TUSC3: variants seen among roughly 807,000 people sequenced by gnomAD.
The protein encoded by TUSC3 is tumor suppressor candidate 3.
In TUSC3, 45 loss-of-function variants were observed where a neutral mutation model predicts 44.8. That is an observed-to-expected ratio of 1.00 (90% CI 0.79 to 1.29). TUSC3 has a LOEUF of 1.29. Among genes scored for constraint, TUSC3 ranks in the 50% most tolerant of loss-of-function variants. The probability of loss-of-function intolerance (pLI) is 0.00; values close to 1 mark genes in which losing one functional copy is unlikely to be tolerated. For synonymous variants in TUSC3, 212 were observed against 152.9 expected, an observed-to-expected ratio of 1.39 and a Z score of -2.85; for missense variants, 519 against 437.9, an observed-to-expected ratio of 1.19 and a Z score of -1.65.
intron 1 of TUSC3, among the ~76,000 whole-genome samples, chr8:15,480,432 G>T (rs1263054204): frequency 6.6e-6 from 1 of 152,208 alleles, no homozygotes; most frequent in African/African-American, 2.4e-5. Flanking sequence ...CATAGATTTA[G>T]TGGTTTAAAC....
At chr8:15,429,108 A>T (rs1324652223) in intron 1 of TUSC3, among the ~76,000 whole-genome samples, 2 of 152,168 alleles carry the variant, frequency 1.3e-5, no homozygotes, top group Non-Finnish European at 2.9e-5. Flanking sequence ...TTTAGGTCTA[A>T]CATGTAAGTC....
At chr8:15,639,779 G>C (rs1806276787) in intron 2 of TUSC3, among the ~76,000 whole-genome samples, 1 of 74,944 alleles carries the variant, frequency 1.3e-5, no homozygotes, top group Admixed American at 2.4e-4. Context: ...ATGCATAAGA[G>C]TCGTTTTTTT....
intron 1 of TUSC3, among the ~76,000 whole-genome samples, chr8:15,448,287 T>C (rs142973114): frequency 0.031 from 4,717 of 151,424 alleles, 268 homozygotes; most frequent in African/African-American, 0.11. Flanking sequence ...CCCTGCTATT[T>C]TTTGTATTTT....
chr8:15,706,417 A>G (rs1809617265), intron 6 of TUSC3, among the ~76,000 whole-genome samples: 1 of 152,046 alleles, frequency 6.6e-6, no homozygotes, highest in Admixed American at 6.6e-5. Context: ...AGAACATCCA[A>G]TTCCATGTTA....
At chr8:15,509,208 A>T (rs1384466501) in intron 2 of TUSC3, among the ~76,000 whole-genome samples, 1 of 152,236 alleles carries the variant, frequency 6.6e-6, no homozygotes, top group East Asian at 1.9e-4. Flanking sequence ...CAAATATTGG[A>T]GATGATAGTC....
intron 10 of TUSC3, among the ~76,000 whole-genome samples, chr8:15,760,567 T>G (rs1272886157): frequency 1.3e-5 from 2 of 152,164 alleles, no homozygotes; most frequent in Non-Finnish European, 2.9e-5. Context: ...TCTACAGTTC[T>G]AAATCATTGG....
chr8:15,755,203 TACTTA>T (rs1811872664), intron 9 of TUSC3, among the ~76,000 whole-genome samples: 1 of 152,126 alleles, frequency 6.6e-6, no homozygotes. Context: ...TTGGGCAAGT[TACTTA>T]ACTTTTGTCA....
At chr8:15,441,115 A>G (rs564423622) in intron 1 of TUSC3, among the ~76,000 whole-genome samples, 1 of 152,370 alleles carries the variant, frequency 6.6e-6, no homozygotes, top group East Asian at 1.9e-4. Context: ...TTAAAAATCA[A>G]GTAAGTGATG....
At chr8:15,474,904 T>G (rs1197797885) in intron 1 of TUSC3, among the ~76,000 whole-genome samples, 1 of 152,216 alleles carries the variant, frequency 6.6e-6, no homozygotes, top group Non-Finnish European at 1.5e-5. Context: ...TATCATAGTA[T>G]TTAAATTACT....
chr8:15,417,586 T>G (rs546225678), intron 1 of TUSC3, among the ~76,000 whole-genome samples: 1 of 152,220 alleles, frequency 6.6e-6, no homozygotes, highest in Non-Finnish European at 1.5e-5. Flanking sequence ...ATTTGCAATT[T>G]AAACGCTTAC....
intron 6 of TUSC3, among the ~76,000 whole-genome samples, chr8:15,688,159 A>T (rs1012314674): frequency 6.6e-6 from 1 of 152,136 alleles, no homozygotes; most frequent in African/African-American, 2.4e-5. Flanking sequence ...AAAACCAAAG[A>T]TATTATTTTC....
In TUSC3 at chr8:15,736,050, G is replaced by A. The variant is rs181440536; in HGVS notation, c.862+5321G>A. Among the ~76,000 whole-genome samples, 105 of 152,040 alleles carry A rather than the reference G, an allele frequency of 6.9e-4. No individual in the cohort carries two copies. The East Asian group carries it at 0.013, about 18-fold the overall frequency. ...GCGATATTTCTTTAGTTATTCTATC[G>A]TATTTTTGTACAGAAGACAATATCC... On this transcript the variant is annotated intron_variant, in intron 7 of 10. Coordinates refer to ENST00000503731, the MANE Select transcript of TUSC3 (RefSeq NM_006765.4).
intron 10 of TUSC3, among the ~76,000 whole-genome samples, chr8:15,763,470 T>G (rs1812234222): frequency 1.3e-5 from 2 of 151,974 alleles, no homozygotes; most frequent in Non-Finnish European, 2.9e-5. Context: ...TAATTAAAAA[T>G]TGGTTTGTCT....
intron 1 of TUSC3, among the ~76,000 whole-genome samples, chr8:15,575,485 G>C (rs1327821193): frequency 6.6e-6 from 1 of 152,108 alleles, no homozygotes; most frequent in Admixed American, 6.6e-5. Context: ...TCTTCTGAGG[G>C]CTGGGTATGG....
At chr8:15,774,912 T>G in the TUSC3 span, among the ~76,000 whole-genome samples, 1 of 152,060 alleles carries the variant, frequency 6.6e-6, no homozygotes, top group Non-Finnish European at 1.5e-5. Context: ...GGAAACAAAT[T>G]AGTAGTTCTT....
chr8:15,479,935 T>C (rs1800635880), intron 1 of TUSC3, among the ~76,000 whole-genome samples: 1 of 152,202 alleles, frequency 6.6e-6, no homozygotes, highest in South Asian at 2.1e-4. Flanking sequence ...CTAAAGCTGA[T>C]GAGCAACTTC....
intron 1 of TUSC3, among the ~76,000 whole-genome samples, chr8:15,417,517 AC>A (rs978466342): frequency 1.4e-4 from 22 of 152,244 alleles, no homozygotes; most frequent in African/African-American, 5.1e-4. Flanking sequence ...GACCTGTAAA[AC>A]CACAGATGTC....
chr8:15,834,273 A>C, the TUSC3 span, among the ~76,000 whole-genome samples: 1 of 151,976 alleles, frequency 6.6e-6, no homozygotes, highest in Non-Finnish European at 1.5e-5. Context: ...TTTCATACTA[A>C]ATTTATTCCT....
rs1812275192 is a variant in TUSC3, at chr8:15,764,585, A to T, written c.*429A>T. On this transcript the variant is annotated 3_prime_UTR_variant, in exon 11 of 11. Transcript: ENST00000503731. ...TAAAGATTCTTAGTATTGTACAGGG[A>T]TAAAGCAAATGCATGAAAATATGTC... 1 of 213,436 alleles carries T rather than the reference A, an allele frequency of 4.7e-6. No homozygotes were observed. Among genetic ancestry groups the T allele is most frequent in the South Asian group, 7.6e-5 (1 of 13,168 alleles). 13.2% of individuals were successfully genotyped at this position (213,436 alleles called of 1,614,324 possible). A position where few individuals can be genotyped will look rare whatever the true frequency, so the allele number is the denominator to read the frequency against.
Sources: gnomAD v4.1 joint callset for allele counts (sites outside exome capture counted in the v4.1 genomes callset) on GRCh38, gnomAD v4.1.1 for gene constraint, MANE v1.5 for transcripts, NCBI Gene and HGNC (gene_info 2026-07-23, HGNC 2026-07-21) for gene names.